Variants in RAD51B observed in about 807,000 individuals in gnomAD.
The protein encoded by RAD51B is DNA repair protein RAD51 homolog 2.
RAD51B carries 38 observed loss-of-function variants against 42.2 expected under a neutral mutation model. That is an observed-to-expected ratio of 0.90 (90% CI 0.70 to 1.18). The LOEUF (loss-of-function observed/expected upper bound fraction) is 1.18. RAD51B is among the 50% of genes most tolerant of loss of function. The pLI is 0.00. For synonymous variants in RAD51B, 154 were observed against 145.2 expected (o/e 1.06, Z -0.43); for missense variants, 373 against 400.7 (o/e 0.93, Z 0.59).
chr14:68,297,046 G>T (rs1486078420), intron 8 of RAD51B, among the ~76,000 whole-genome samples: 1 of 152,130 alleles, frequency 6.6e-6, no homozygotes. Context: ...GAAAGTATTT[G>T]GGGATTCATA....
intron 7 of RAD51B, among the ~76,000 whole-genome samples, chr14:68,281,656 A>G: frequency 6.6e-6 from 1 of 152,232 alleles, no homozygotes. Context: ...AAAAGTATAA[A>G]GTACCATATA....
chr14:68,078,911 GC>G (rs1447957265), intron 7 of RAD51B, among the ~76,000 whole-genome samples: 1 of 152,102 alleles, frequency 6.6e-6, no homozygotes, highest in African/African-American at 2.4e-5. Context: ...AATTGCTTGA[GC>G]CTGGGAGGTT....
chr14:68,651,928 C>A (rs1191908682), intron 11 of RAD51B, among the ~76,000 whole-genome samples: 1 of 152,172 alleles, frequency 6.6e-6, no homozygotes, highest in East Asian at 1.9e-4. Context: ...GGTAGACAGG[C>A]CACCTGGCAC....
At chr14:68,182,840 G>A (rs2079080879) in intron 7 of RAD51B, among the ~76,000 whole-genome samples, 1 of 152,170 alleles carries the variant, frequency 6.6e-6, no homozygotes, top group African/African-American at 2.4e-5. Flanking sequence ...GGTAAGACAT[G>A]GAAAAGAACA....
At chr14:68,556,294 G>C (rs190745629) in intron 10 of RAD51B, among the ~76,000 whole-genome samples, 1 of 152,278 alleles carries the variant, frequency 6.6e-6, no homozygotes, top group East Asian at 1.9e-4. Context: ...ATGCCTGTTG[G>C]ACTTTCCTAT....
intron 8 of RAD51B, among the ~76,000 whole-genome samples, chr14:68,334,839 A>G (rs1300445421): frequency 6.7e-6 from 1 of 149,644 alleles, no homozygotes; most frequent in African/African-American, 2.4e-5. Context: ...TTTATGATAT[A>G]TAGGATAGAT....
chr14:67,940,046 ATATATATATTTTTTTTTTTTTTTTTTTT>A (rs1228070707), intron 7 of RAD51B, among the ~76,000 whole-genome samples: 16 of 14,662 alleles, frequency 1.1e-3, no homozygotes, highest in African/African-American at 2.4e-3. Context: ...ATATATATAT[ATATATATATTTTTTTTTTTTTTTTTTTT>A]TTTTTTTTTT....
At chr14:67,985,156 C>T (rs903043564) in intron 7 of RAD51B, among the ~76,000 whole-genome samples, 1 of 152,148 alleles carries the variant, frequency 6.6e-6, no homozygotes, top group African/African-American at 2.4e-5. Flanking sequence ...ACAGTCAGCT[C>T]CCATAAGCCA....
At chr14:68,640,272 G>A (rs1892430656) in intron 10 of RAD51B, among the ~76,000 whole-genome samples, 1 of 152,190 alleles carries the variant, frequency 6.6e-6, no homozygotes, top group Non-Finnish European at 1.5e-5. Context: ...TGTGAATATG[G>A]GCTTTAGAGT....
At chr14:68,681,001 C>T (rs1893419484) in intron 11 of RAD51B, among the ~76,000 whole-genome samples, 1 of 152,100 alleles carries the variant, frequency 6.6e-6, no homozygotes, top group African/African-American at 2.4e-5. Context: ...CTGGTCAGCC[C>T]AGGAGAGGCT....
At chr14:68,678,484 C>G (rs1243352699) in intron 11 of RAD51B, among the ~76,000 whole-genome samples, 1 of 151,992 alleles carries the variant, frequency 6.6e-6, no homozygotes, top group Non-Finnish European at 1.5e-5. Flanking sequence ...AAACCCCTGC[C>G]CTCACAGAGA....
chr14:68,401,109 C>T (rs1412207595), intron 8 of RAD51B, among the ~76,000 whole-genome samples: 3 of 152,212 alleles, frequency 2.0e-5, no homozygotes, highest in Admixed American at 1.3e-4. Flanking sequence ...ACTGCAGACA[C>T]AGCAGAGAAT....
chr14:67,903,083 C>G (rs1385347324), intron 7 of RAD51B, among the ~76,000 whole-genome samples: 1 of 152,096 alleles, frequency 6.6e-6, no homozygotes. Flanking sequence ...GTTTTAAACT[C>G]CTGACCTCAA....
intron 5 of RAD51B, among the ~76,000 whole-genome samples, chr14:67,866,579 CAG>C (rs1408863223): frequency 1.3e-5 from 2 of 152,190 alleles, no homozygotes; most frequent in Non-Finnish European, 2.9e-5. Flanking sequence ...ACATACAAAA[CAG>C]AGTTTAGGAT....
chr14:68,420,796 C>T (rs1246602850), intron 9 of RAD51B, among the ~76,000 whole-genome samples: 4 of 152,192 alleles, frequency 2.6e-5, no homozygotes, highest in East Asian at 3.8e-4. Flanking sequence ...GCCTAACCTC[C>T]TGGGAATACA....
intron 7 of RAD51B, among the ~76,000 whole-genome samples, chr14:67,995,953 A>G (rs1345290802): frequency 6.6e-6 from 1 of 152,062 alleles, no homozygotes; most frequent in Non-Finnish European, 1.5e-5. Context: ...CCTTCTCTAC[A>G]TTACTGGTAC....
intron 7 of RAD51B, among the ~76,000 whole-genome samples, chr14:68,195,484 T>A (rs982420671): frequency 1.3e-5 from 2 of 152,130 alleles, no homozygotes; most frequent in African/African-American, 4.8e-5. Flanking sequence ...GACCTACAAT[T>A]AAAAAATACA....
chr14:68,330,099 C>A (rs1016786050), intron 8 of RAD51B, among the ~76,000 whole-genome samples: 2 of 152,082 alleles, frequency 1.3e-5, no homozygotes, highest in Non-Finnish European at 2.9e-5. Flanking sequence ...AAGAGCCTGG[C>A]ATTAAAAACT....
chr14:68,673,332 G>A (rs191198195), intron 11 of RAD51B, among the ~76,000 whole-genome samples: 1 of 151,672 alleles, frequency 6.6e-6, no homozygotes, highest in African/African-American at 2.4e-5. Flanking sequence ...TACACACATT[G>A]TATGCACACA....
Sources: allele counts gnomAD v4.1 joint callset (sites outside exome capture counted in the v4.1 genomes callset), GRCh38; gene constraint gnomAD v4.1.1; transcripts MANE v1.5; gene names NCBI Gene and HGNC (gene_info 2026-07-23, HGNC 2026-07-21).